Variants in KCNK9 observed in about 807,000 individuals in gnomAD.
KCNK9 encodes the protein potassium two pore domain channel subfamily K member 9.
Under a neutral mutation model 10.8 loss-of-function variants are expected in KCNK9, and 1 was observed. That is an observed-to-expected ratio of 0.09 (90% CI 0.03 to 0.44). The LOEUF (loss-of-function observed/expected upper bound fraction) is 0.44. Among genes scored for constraint, KCNK9 ranks in the 20% least tolerant of loss-of-function variants. The probability of loss-of-function intolerance (pLI) is 0.97; values close to 1 mark genes in which losing one functional copy is unlikely to be tolerated. For missense variants in KCNK9, 303 were observed against 515.0 expected (o/e 0.59, Z 3.98); for synonymous variants, 231 against 222.7 (o/e 1.04, Z -0.33).
At chr8:139,650,674 A>G (rs569010157) in intron 1 of KCNK9, among the ~76,000 whole-genome samples, 1 of 152,298 alleles carries the variant, frequency 6.6e-6, no homozygotes, top group African/African-American at 2.4e-5. Flanking sequence ...AATCGGATAG[A>G]GATGGAAAGT....
At chr8:139,692,004 C>T (rs989909632) in intron 1 of KCNK9, among the ~76,000 whole-genome samples, 4 of 152,236 alleles carry the variant, frequency 2.6e-5, no homozygotes, top group Non-Finnish European at 4.4e-5. Context: ...TGGCACACGC[C>T]TTTGACTTGT....
chr8:139,614,041 T>G (rs1814507727), downstream of KCNK9, among the ~76,000 whole-genome samples: 1 of 152,130 alleles, frequency 6.6e-6, no homozygotes, highest in African/African-American at 2.4e-5. Context: ...TGATGGTGGT[T>G]TTTTGGTCAT....
chr8:139,602,693 C>T (rs1817400584), intron 2 of KCNK9, among the ~76,000 whole-genome samples: 1 of 152,194 alleles, frequency 6.6e-6, no homozygotes, highest in Non-Finnish European at 1.5e-5. Flanking sequence ...GTAGGGCTCA[C>T]CCCTCTGGGT....
chr8:139,687,539 C>CACATATATTCATATATATGTAT lies in KCNK9; in HGVS notation c.283+15149_283+15170dup, dbSNP rs1486443786. On this transcript the variant is annotated intron_variant, in intron 1 of 1. Coordinates refer to ENST00000520439, the MANE Select transcript of KCNK9 (RefSeq NM_001282534.2). ...ACACATATATTCATATATATGTATA[C>CACATATATTCATATATATGTAT]ACATATATTCATATATATGTATACA... Among the ~76,000 whole-genome samples, 176 of 44,360 alleles carry CACATATATTCATATATATGTAT rather than the reference C, an allele frequency of 4.0e-3. 6 individuals carry two copies. The highest frequency in any genetic ancestry group is 9.9e-3 in the Admixed American group (38 of 3,824). The allele number at this position is 44,360 out of a possible 152,430, so 29.1% of individuals were successfully genotyped here. A position where few individuals can be genotyped will look rare whatever the true frequency, so the allele number is the denominator to read the frequency against.
At chr8:139,631,272 C>CT (rs1815163671) in intron 1 of KCNK9, among the ~76,000 whole-genome samples, 1 of 152,258 alleles carries the variant, frequency 6.6e-6, no homozygotes, top group African/African-American at 2.4e-5. Flanking sequence ...ACAATAACGA[C>CT]TACCAGATAC....
downstream of KCNK9, chr8:139,611,886 G>A (rs1814436564): frequency 1.3e-5 from 2 of 152,214 alleles, no homozygotes; most frequent in Admixed American, 6.5e-5. Context: ...GGTGATAAGT[G>A]GCCATTTGGG....
In KCNK9 at chr8:139,647,514, C is replaced by T. The variant is rs181755882; in HGVS notation, c.284-28415G>A. On this transcript the variant is annotated intron_variant, in intron 1 of 1. Transcript: ENST00000520439. ...TGATATGGAAGGACAGATGGCTAGACGTGCACGCGGCATGTTCCCCTGCAG... is the reference window on the plus strand; with the variant it reads ...TGATATGGAAGGACAGATGGCTAGATGTGCACGCGGCATGTTCCCCTGCAG... Among the ~76,000 whole-genome samples, 18 of 152,300 alleles carry T rather than the reference C, an allele frequency of 1.2e-4. No individual in the cohort carries two copies. The East Asian group carries it at 2.1e-3, about 18-fold the overall frequency.
intron 1 of KCNK9, among the ~76,000 whole-genome samples, chr8:139,663,960 C>T (rs903394934): frequency 7.9e-5 from 12 of 152,158 alleles, no homozygotes; most frequent in African/African-American, 2.7e-4. Context: ...AATAACACAT[C>T]GGGGCCTGAC....
chr8:139,661,603 C>T (rs1816153179), intron 1 of KCNK9, among the ~76,000 whole-genome samples: 1 of 152,148 alleles, frequency 6.6e-6, no homozygotes, highest in African/African-American at 2.4e-5. Flanking sequence ...CCTGAGCGCC[C>T]CATCATCCAG....
intron 1 of KCNK9, among the ~76,000 whole-genome samples, chr8:139,673,890 C>T (rs1236542442): frequency 9.2e-5 from 14 of 152,038 alleles, no homozygotes; most frequent in African/African-American, 2.9e-4. Flanking sequence ...AGGCCAGATT[C>T]GGGGACCTCT....
chr8:139,696,638 A>G (rs1817058420), intron 1 of KCNK9, among the ~76,000 whole-genome samples: 1 of 151,500 alleles, frequency 6.6e-6, no homozygotes, highest in Non-Finnish European at 1.5e-5. Context: ...CAGAGGAGGG[A>G]GGGAAGGAGG....
intron 1 of KCNK9, among the ~76,000 whole-genome samples, chr8:139,653,521 C>G (rs2129681680): frequency 6.6e-6 from 1 of 151,866 alleles, no homozygotes; most frequent in African/African-American, 2.4e-5. Context: ...ACCCCCGCCG[C>G]CTTTCCTCTT....
intron 1 of KCNK9, among the ~76,000 whole-genome samples, chr8:139,681,327 G>A (rs1201181558): frequency 2.0e-5 from 3 of 152,242 alleles, no homozygotes; most frequent in Non-Finnish European, 2.9e-5. Context: ...AGTTCACCAA[G>A]TGAAGAAACA....
chr8:139,658,052 C>T (rs994909871), intron 1 of KCNK9, among the ~76,000 whole-genome samples: 6 of 152,210 alleles, frequency 3.9e-5, no homozygotes, highest in African/African-American at 1.4e-4. Flanking sequence ...TTGGTTGTAT[C>T]AGGTCAGGGT....
chr8:139,694,454 G>A (rs1817004896), intron 1 of KCNK9, among the ~76,000 whole-genome samples: 1 of 152,216 alleles, frequency 6.6e-6, no homozygotes, highest in Non-Finnish European at 1.5e-5. Flanking sequence ...CTCTGGGATG[G>A]GGCATGAGCC....
chr8:139,687,292 C>T (rs72681295), intron 1 of KCNK9, among the ~76,000 whole-genome samples: 15,947 of 149,586 alleles, frequency 0.11, 993 homozygotes, highest in Middle Eastern at 0.17. Flanking sequence ...TACTTCTATG[C>T]TACATTTTGT....
In KCNK9 at chr8:139,618,796, G is replaced by A; in HGVS notation, c.587C>T (p.Thr196Met). ...FFHAYYYCFI[T>M]LTTIGFGDYV... ...GTCCCCGAACCCAATGGTAGTCAAC[G>A]TGATGAAGCAGTAGTAGTAGGCGTG... is the stretch of plus-strand genomic sequence containing the variant. The change falls in exon 2 of 2, where the codon ACG (threonine) becomes ATG (methionine). Residue 196 changes from threonine (T) to methionine (M), a missense_variant. Thr to Met is a moderately conservative substitution (Grantham distance 81, BLOSUM62 -1). Around this residue, in one of 5 missense-constraint regions of KCNK9, gnomAD observed 53 missense variants for 134.9 expected, o/e 0.39. Coordinates refer to ENST00000520439, the MANE Select transcript of KCNK9 (RefSeq NM_001282534.2). This position sits in a 1 kb window ranked among gnomAD's most constrained non-coding sequence, Gnocchi z 7.9. The A allele has an allele frequency of 6.2e-7, 1 of 1,614,218 alleles. No homozygotes were observed. The highest frequency in any genetic ancestry group is 8.5e-7 in the Non-Finnish European group (1 of 1,180,038).
intron 1 of KCNK9, among the ~76,000 whole-genome samples, chr8:139,650,262 C>T (rs1815823229): frequency 6.6e-6 from 1 of 152,224 alleles, no homozygotes; most frequent in Non-Finnish European, 1.5e-5. Context: ...CTTCTGCTAA[C>T]CAGGCAGAGC....
chr8:139,613,054 T>TATC (rs1456162847), downstream of KCNK9, among the ~76,000 whole-genome samples: 6 of 152,242 alleles, frequency 3.9e-5, no homozygotes, highest in Non-Finnish European at 8.8e-5. Context: ...ATACAGTCTG[T>TATC]ATCAGACAAT....
Sources: allele counts gnomAD v4.1 joint callset (sites outside exome capture counted in the v4.1 genomes callset), GRCh38; gene constraint gnomAD v4.1.1; regional missense constraint gnomAD v4.1.1; non-coding constraint Gnocchi (gnomAD v3.1); transcripts MANE v1.5; gene names NCBI Gene and HGNC (gene_info 2026-07-23, HGNC 2026-07-21).